PRUNE2: variants seen among roughly 807,000 people sequenced by gnomAD.
PRUNE2 encodes the protein protein prune homolog 2.
In PRUNE2, 164 loss-of-function variants were observed where a neutral mutation model predicts 252.0. The observed-to-expected ratio is 0.65, with a 90% CI of 0.57 to 0.74. The LOEUF (loss-of-function observed/expected upper bound fraction) is 0.74. PRUNE2 is among the 30% of genes least tolerant of loss of function. The pLI, the probability that PRUNE2 is intolerant of heterozygous loss-of-function variation, is 0.00. For synonymous variants in PRUNE2, 1,292 were observed against 1,350.2 expected, an observed-to-expected ratio of 0.96 and a Z score of 0.94; for missense variants, 3,495 against 3,711.0, an observed-to-expected ratio of 0.94 and a Z score of 1.51.
intron 6 of PRUNE2, chr9:76,758,602 C>T (rs1479698156): frequency 6.6e-6 from 1 of 151,788 alleles, no homozygotes; most frequent in Non-Finnish European, 1.5e-5. Flanking sequence ...AAGGGCTGCT[C>T]CCGCCTCAGC....
At chr9:76,621,148 G>A (rs145190937) in intron 17 of PRUNE2, among the ~76,000 whole-genome samples, 350 of 152,290 alleles carry the variant, frequency 2.3e-3, no homozygotes, top group African/African-American at 7.8e-3. Flanking sequence ...TTTGTTCCCT[G>A]ACCAAGTGTA....
intron 1 of PRUNE2, among the ~76,000 whole-genome samples, chr9:76,865,915 A>G (rs991619740): frequency 6.6e-6 from 1 of 151,964 alleles, no homozygotes; most frequent in Non-Finnish European, 1.5e-5. Flanking sequence ...AATTAAAATG[A>G]TTTTATAAAG....
chr9:76,691,633 A>T (rs957254435), intron 9 of PRUNE2, among the ~76,000 whole-genome samples: 1 of 152,200 alleles, frequency 6.6e-6, no homozygotes, highest in East Asian at 1.9e-4. Context: ...ATAACATTTA[A>T]AAAATGCCTC....
chr9:76,829,345 G>A (rs1025497492), intron 4 of PRUNE2, among the ~76,000 whole-genome samples: 3 of 152,142 alleles, frequency 2.0e-5, no homozygotes, highest in Non-Finnish European at 2.9e-5. Flanking sequence ...AAGTTTAACA[G>A]CCTATGGAGA....
At chr9:76,774,607 T>C (rs917241920) in intron 6 of PRUNE2, among the ~76,000 whole-genome samples, 2 of 151,864 alleles carry the variant, frequency 1.3e-5, no homozygotes, top group Non-Finnish European at 2.9e-5. Flanking sequence ...TACAGGTGTA[T>C]GTCATCATGC....
intron 6 of PRUNE2, among the ~76,000 whole-genome samples, chr9:76,718,432 G>C (rs201933644): frequency 0.2 from 30,900 of 151,980 alleles, 3,494 homozygotes; most frequent in East Asian, 0.49. Context: ...AAAGTACCAA[G>C]CACTCCGAGG....
rs867337057 is a variant in PRUNE2 at position 76,613,424 on chromosome 9, A to G, written c.*1146T>C. On this transcript the variant is annotated 3_prime_UTR_variant, in exon 19 of 19. Coordinates refer to ENST00000376718, the MANE Select transcript of PRUNE2 (RefSeq NM_015225.3). ...GTTTGTGTGGCTGTGTTTCAGTACCACTTTATTTATCGGCACTAACATTTG... is the reference window on the plus strand; with the variant it reads ...GTTTGTGTGGCTGTGTTTCAGTACCGCTTTATTTATCGGCACTAACATTTG... The G allele has an allele frequency of 2.0e-5, 3 of 152,160 alleles. No individual in the cohort carries two copies. The highest frequency in any genetic ancestry group is 3.2e-3 in the Middle Eastern group (1 of 316). 9.4% of individuals were successfully genotyped at this position (152,160 alleles called of 1,614,324 possible).
At chr9:76,650,052 A>ACCCTTT (rs1175820703) in intron 11 of PRUNE2, among the ~76,000 whole-genome samples, 1 of 152,022 alleles carries the variant, frequency 6.6e-6, no homozygotes, top group African/African-American at 2.4e-5. Context: ...CTGGTAACAG[A>ACCCTTT]CCCTTTCCCA....
rs149192283 is a variant in PRUNE2 at position 76,901,284 on chromosome 9, G to A, written c.36+4644C>T. 4.7e-3 allele frequency among the ~76,000 whole-genome samples: 722 copies of A among 152,232 alleles called. 2 individuals are homozygous for A. In the Middle Eastern group the frequency reaches 0.058, roughly 12 times the overall value. On this transcript the variant is annotated intron_variant, in intron 1 of 18. Coordinates refer to ENST00000376718, the MANE Select transcript of PRUNE2 (RefSeq NM_015225.3). ...CCTAAGCAAGGGGTATCACATTCAC[G>A]GGAAGTGCTTTGGATTCCTGAGTTT...
At chr9:76,664,827 T>C (rs1004519397) in intron 9 of PRUNE2, among the ~76,000 whole-genome samples, 4 of 152,228 alleles carry the variant, frequency 2.6e-5, no homozygotes, top group African/African-American at 4.8e-5. Flanking sequence ...TTATTTATTA[T>C]ACAGCAATAG....
intron 12 of PRUNE2, chr9:76,642,012 AAAAAAG>A: frequency 1.5e-6 from 2 of 1,374,902 alleles, no homozygotes; most frequent in South Asian, 1.4e-5. Context: ...AAAAAAAAAA[AAAAAAG>A]AAAAGAAAAA....
intron 6 of PRUNE2, among the ~76,000 whole-genome samples, chr9:76,721,097 G>A (rs771715402): frequency 1.5e-4 from 23 of 152,174 alleles, no homozygotes; most frequent in Non-Finnish European, 2.6e-4. Flanking sequence ...GCGAGACTCC[G>A]TCTAAAAGAT....
At chr9:76,836,745 C>G (rs1235846744) in intron 4 of PRUNE2, among the ~76,000 whole-genome samples, 2 of 152,098 alleles carry the variant, frequency 1.3e-5, no homozygotes, top group Non-Finnish European at 2.9e-5. Flanking sequence ...TGTTAAATCC[C>G]CCACAAAGCC....
intron 6 of PRUNE2, chr9:76,733,693 T>C (rs903380642): frequency 6.6e-6 from 1 of 152,062 alleles, no homozygotes; most frequent in Non-Finnish European, 1.5e-5. Context: ...GCATGAGCCA[T>C]AGCACTTGGC....
At chr9:76,847,598 C>T (rs543129385) in intron 3 of PRUNE2, among the ~76,000 whole-genome samples, 6 of 152,176 alleles carry the variant, frequency 3.9e-5, no homozygotes, top group Non-Finnish European at 7.4e-5. Flanking sequence ...ATCCAGTCAC[C>T]GTGGTGTAGA....
chr9:76,837,441 A>AAATAATAATAATAAT (rs57793891), intron 4 of PRUNE2, among the ~76,000 whole-genome samples: 10,447 of 134,568 alleles, frequency 0.078, 455 homozygotes, highest in Admixed American at 0.13. Flanking sequence ...ACTCTGTCTC[A>AAATAATAATAATAAT]AATAATAATA....
chr9:76,657,004 A>G (rs1423975539), intron 9 of PRUNE2, among the ~76,000 whole-genome samples: 1 of 152,234 alleles, frequency 6.6e-6, no homozygotes, highest in Non-Finnish European at 1.5e-5. Context: ...GTGGAATCAA[A>G]CCACGTTATT....
intron 2 of PRUNE2, among the ~76,000 whole-genome samples, chr9:76,851,319 G>A (rs969081298): frequency 1.3e-5 from 2 of 152,050 alleles, no homozygotes; most frequent in South Asian, 2.1e-4. Flanking sequence ...AGGCCAAGGC[G>A]GGCAGATCAC....
At chr9:76,746,187 T>C (rs1448564557) in intron 6 of PRUNE2, among the ~76,000 whole-genome samples, 1 of 152,120 alleles carries the variant, frequency 6.6e-6, no homozygotes, top group Non-Finnish European at 1.5e-5. Flanking sequence ...GATAAGACTG[T>C]CTTATCTCTC....
Sources: gnomAD v4.1 joint callset for allele counts (sites outside exome capture counted in the v4.1 genomes callset) on GRCh38, gnomAD v4.1.1 for gene constraint, MANE v1.5 for transcripts, NCBI Gene and HGNC (gene_info 2026-07-23, HGNC 2026-07-21) for gene names.